Variants in KATNAL2 observed in about 807,000 individuals in gnomAD.
KATNAL2 encodes katanin p60 ATPase-containing subunit A-like 2.
A neutral mutation model predicts 76.3 loss-of-function variants in KATNAL2; 52 were observed. That is an observed-to-expected ratio of 0.68 (90% CI 0.55 to 0.86). The LOEUF (loss-of-function observed/expected upper bound fraction) is 0.86, where lower values mean the gene tolerates loss of function less well. Among genes scored for constraint, KATNAL2 ranks in the 40% least tolerant of loss-of-function variants. The pLI, the probability that KATNAL2 is intolerant of heterozygous loss-of-function variation, is 0.00. For synonymous variants in KATNAL2, 243 were observed against 244.2 expected, an observed-to-expected ratio of 1.00 and a Z score of 0.05; for missense variants, 660 against 668.9, an observed-to-expected ratio of 0.99 and a Z score of 0.15.
In KATNAL2 at chr18:47,069,469, T is replaced by A; in HGVS notation, c.890-13T>A. ...TTGAAATGCCTGCTCATCTTTTATG[T>A]GTTTCTCTTTAGGTACAGGAAAGAC... On this transcript the variant is annotated splice_polypyrimidine_tract_variant and intron_variant, in intron 12 of 17. Coordinates refer to ENST00000683218, the MANE Select transcript of KATNAL2 (RefSeq NM_001387690.1). 1 of 1,582,346 alleles carries A rather than the reference T, an allele frequency of 6.3e-7. No individual in the cohort carries two copies. Among genetic ancestry groups the A allele is most frequent in the Non-Finnish European group, 8.7e-7 (1 of 1,155,954 alleles).
Position 47,077,830 on chromosome 18 carries a change from AT to A in KATNAL2, c.1211+371del, listed in dbSNP as rs113158355. Among the ~76,000 whole-genome samples the A allele has an allele frequency of 3.7e-3, 568 of 152,340 alleles. 6 individuals are homozygous for A. The highest frequency in any genetic ancestry group is 0.013 in the African/African-American group (546 of 41,570). ...TATGTTTGAATTTTATAGTATTAAA[AT>A]TAAACTTTTTTAAGTTAGGAGGAAA... On this transcript the variant is annotated intron_variant, in intron 15 of 17. Transcript: ENST00000683218.
chr18:47,099,460 C>A, intron 16 of KATNAL2, 55 bp downstream of exon 16: 1 of 1,501,156 alleles, frequency 6.7e-7, no homozygotes. Context: ...ATATGGCCAT[C>A]TTGTAGACCA....
In KATNAL2 at chr18:46,956,262, T is replaced by C. The variant is rs768454271; in HGVS notation, c.51+9339T>C. On this transcript the variant is annotated intron_variant, in intron 3 of 17. Coordinates refer to ENST00000683218, the MANE Select transcript of KATNAL2 (RefSeq NM_001387690.1). Reference sequence around the variant, plus strand: ...TGCATTTATTCATTAACTCATACGATAAACGCAATTTAGTGCCTGCTTTCT... The same window carrying C: ...TGCATTTATTCATTAACTCATACGACAAACGCAATTTAGTGCCTGCTTTCT... Among the ~76,000 whole-genome samples the C allele has an allele frequency of 4.4e-4, 67 of 152,352 alleles. 1 individual carries two copies. Among genetic ancestry groups the C allele is most frequent in the Admixed American group, 2.0e-4 (3 of 15,308 alleles).
At chr18:47,094,851 C>T (rs1351208795) in intron 15 of KATNAL2, among the ~76,000 whole-genome samples, 1 of 152,190 alleles carries the variant, frequency 6.6e-6, no homozygotes, top group Non-Finnish European at 1.5e-5. Flanking sequence ...ATTTTACCCT[C>T]TACCAAGGTA....
chr18:47,045,875 G>A (rs2061141358), intron 3 of KATNAL2, among the ~76,000 whole-genome samples: 1 of 152,166 alleles, frequency 6.6e-6, no homozygotes, highest in Non-Finnish European at 1.5e-5. Context: ...TAAGTGCACG[G>A]ATTCATCCAG....
intron 1 of KATNAL2, among the ~76,000 whole-genome samples, chr18:46,933,796 C>A (rs1251814165): frequency 9.3e-6 from 1 of 107,206 alleles, no homozygotes; most frequent in African/African-American, 3.6e-5. Context: ...CCCCCCTCCC[C>A]CCACCCCATA....
Position 47,034,702 on chromosome 18 carries a change from G to A in KATNAL2, c.52-11755G>A, listed in dbSNP as rs760973046. The A allele has an allele frequency of 4.4e-5, 71 of 1,612,916 alleles. No individual in the cohort carries two copies. Among genetic ancestry groups the A allele is most frequent in the Middle Eastern group, 1.9e-4 (1 of 5,350 alleles). ...GCCTCTTCCGGGTTGCTTCCCGGGC[G>A]CAGCGGGCTCAGGGCCCTCGGGCAT... On this transcript the variant is annotated intron_variant, in intron 3 of 17. Transcript: ENST00000683218.
intron 3 of KATNAL2, among the ~76,000 whole-genome samples, chr18:46,949,278 G>C (rs78475421): frequency 6.6e-6 from 1 of 151,380 alleles, no homozygotes; most frequent in Admixed American, 6.6e-5. Flanking sequence ...TCTTCAACAG[G>C]GTCTTATTCT....
intron 1 of KATNAL2, among the ~76,000 whole-genome samples, chr18:46,919,205 G>A (rs2058365448): frequency 6.6e-6 from 1 of 151,776 alleles, no homozygotes; most frequent in African/African-American, 2.4e-5. Context: ...ACAAAAATTA[G>A]GCCAGGAGCT....
intron 10 of KATNAL2, among the ~76,000 whole-genome samples, chr18:47,064,273 G>A (rs984027171): frequency 6.6e-6 from 1 of 152,102 alleles, no homozygotes; most frequent in Non-Finnish European, 1.5e-5. Flanking sequence ...TGTTAGGAAA[G>A]AAGACAGGAA....
intron 15 of KATNAL2, among the ~76,000 whole-genome samples, chr18:47,093,992 A>G (rs1485072433): frequency 6.6e-6 from 1 of 152,204 alleles, no homozygotes; most frequent in Non-Finnish European, 1.5e-5. Context: ...CTCAAAATTC[A>G]TGTGTTAGAA....
intron 10 of KATNAL2, among the ~76,000 whole-genome samples, chr18:47,065,823 G>GA (rs1022836329): frequency 6.6e-5 from 10 of 151,250 alleles, no homozygotes; most frequent in South Asian, 6.3e-4. Context: ...TACAAAAAAT[G>GA]AAAAAAAATA....
Position 47,035,466 on chromosome 18 carries a change from TGAGCAGG to T in KATNAL2, c.52-10990_52-10984del, listed in dbSNP as rs1341520786. The T allele has an allele frequency of 1.0e-4, 114 of 1,125,922 alleles. 1 individual carries two copies. The African/African-American group carries it at 1.3e-3, about 13-fold the overall frequency. The allele number at this position is 1,125,922 out of a possible 1,614,324, so 69.7% of individuals were successfully genotyped here. A position where few individuals can be genotyped will look rare whatever the true frequency, so the allele number is the denominator to read the frequency against. ...TGGAACGGCCGTCCTTGCAGACAGC[TGAGCAGG>T]CCCGCTTTTGTTCCTCGGGATGTGG... On this transcript the variant is annotated intron_variant, in intron 3 of 17. Transcript: ENST00000683218.
intron 1 of KATNAL2, among the ~76,000 whole-genome samples, chr18:46,928,023 G>C: frequency 6.6e-6 from 1 of 152,012 alleles, no homozygotes. Context: ...CTTTGCCATT[G>C]GTTCGAATTT....
intron 8 of KATNAL2, among the ~76,000 whole-genome samples, chr18:47,060,341 G>T (rs763347881): frequency 5.3e-5 from 8 of 152,134 alleles, no homozygotes; most frequent in Non-Finnish European, 7.4e-5. Context: ...TTGATTAGTG[G>T]TGTCACCTTT....
chr18:47,063,408 C>A (rs774104553), intron 10 of KATNAL2, 47 bp downstream of exon 10: 1 of 1,431,414 alleles, frequency 7.0e-7, no homozygotes, highest in Non-Finnish European at 9.8e-7. Flanking sequence ...CAGGCTGGGG[C>A]TTCTGGAGCT....
intron 3 of KATNAL2, 132 bp from the exon 4 acceptor site, chr18:47,046,325 C>T: frequency 1.5e-6 from 1 of 647,000 alleles, no homozygotes; most frequent in Non-Finnish European, 2.7e-6. Flanking sequence ...TCCTTAGAGA[C>T]TTCAAATTGC....
intron 3 of KATNAL2, among the ~76,000 whole-genome samples, chr18:47,043,045 G>T (rs1485103313): frequency 6.6e-6 from 1 of 151,954 alleles, no homozygotes; most frequent in Non-Finnish European, 1.5e-5. Flanking sequence ...GGCTAATACG[G>T]TGAAACCCCG....
rs768398410 is a variant in KATNAL2 at position 47,059,594 on chromosome 18, C to A, written c.489C>A (p.Phe163Leu). 1 of 1,613,660 alleles carries A rather than the reference C, an allele frequency of 6.2e-7. No homozygotes were observed. The highest frequency in any genetic ancestry group is 8.5e-7 in the Non-Finnish European group (1 of 1,179,598). Residue 163 changes from phenylalanine (F) to leucine (L), a missense_variant, in exon 8 of 18, where the codon TTC (phenylalanine) becomes TTA (leucine). Coordinates refer to ENST00000683218, the MANE Select transcript of KATNAL2 (RefSeq NM_001387690.1). ...ACACTCGCCTGGAAAGTGCCAACTTCGGCCTACATATATCAAGAATCCGTA... is the reference window on the plus strand; with the variant it reads ...ACACTCGCCTGGAAAGTGCCAACTTAGGCCTACATATATCAAGAATCCGTA... Reference protein sequence around the residue: ...VDNTRLESANFGLHISRIRKD... With the variant: ...VDNTRLESANLGLHISRIRKD...
Sources: allele counts gnomAD v4.1 joint callset (sites outside exome capture counted in the v4.1 genomes callset), GRCh38; gene constraint gnomAD v4.1.1; transcripts MANE v1.5; gene names NCBI Gene and HGNC (gene_info 2026-07-23, HGNC 2026-07-21).